HCN1: variants seen among roughly 807,000 people sequenced by gnomAD.
The protein encoded by HCN1 is potassium/sodium hyperpolarization-activated cyclic nucleotide-gated channel 1.
In HCN1, 13 loss-of-function variants were observed where a neutral mutation model predicts 78.9. The observed-to-expected ratio is 0.16, with a 90% CI of 0.11 to 0.26. HCN1 has a LOEUF of 0.26. Among genes scored for constraint, HCN1 ranks in the 10% least tolerant of loss-of-function variants. The pLI is 1.00. For missense variants in HCN1, 810 were observed against 1,154.3 expected (o/e 0.70, Z 4.32); for synonymous variants, 552 against 455.5 (o/e 1.21, Z -2.70).
intron 1 of HCN1, among the ~76,000 whole-genome samples, chr5:45,661,081 G>T (rs1310767455): frequency 6.9e-6 from 1 of 145,158 alleles, no homozygotes; most frequent in African/African-American, 2.6e-5. Context: ...AAATGTAAAA[G>T]AACAGAAATT....
At chr5:45,346,390 T>C (rs1746708869) in intron 5 of HCN1, among the ~76,000 whole-genome samples, 1 of 152,174 alleles carries the variant, frequency 6.6e-6, no homozygotes, top group Non-Finnish European at 1.5e-5. Context: ...GCAGCCAAGA[T>C]GGCTGAATAG....
intron 3 of HCN1, among the ~76,000 whole-genome samples, chr5:45,421,229 A>AT (rs753838182): frequency 2.6e-5 from 4 of 151,942 alleles, no homozygotes; most frequent in Non-Finnish European, 5.9e-5. Flanking sequence ...AGCCCGTCTA[A>AT]TTTTTTGTAT....
intron 2 of HCN1, chr5:45,575,866 T>A (rs1162946485): frequency 6.6e-6 from 1 of 152,116 alleles, no homozygotes; most frequent in Non-Finnish European, 1.5e-5. Context: ...CAAAGAGTAT[T>A]TTCAACTTTC....
At chr5:45,402,505 C>G (rs1168551893) in intron 3 of HCN1, among the ~76,000 whole-genome samples, 3 of 151,810 alleles carry the variant, frequency 2.0e-5, no homozygotes, top group Non-Finnish European at 2.9e-5. Context: ...ATTGGGAGGT[C>G]CAAAATATTA....
chr5:45,507,431 G>A (rs764258275), intron 2 of HCN1, among the ~76,000 whole-genome samples: 1 of 152,132 alleles, frequency 6.6e-6, no homozygotes, highest in Non-Finnish European at 1.5e-5. Context: ...TGCCATAGCA[G>A]CAGCTAAGAG....
intron 2 of HCN1, among the ~76,000 whole-genome samples, chr5:45,515,018 CTTAA>C (rs1190219652): frequency 6.6e-6 from 1 of 151,780 alleles, no homozygotes; most frequent in East Asian, 1.9e-4. Flanking sequence ...TTATTTATTT[CTTAA>C]TTATTATGAT....
chr5:45,488,226 AT>A (rs961081714), intron 2 of HCN1, among the ~76,000 whole-genome samples: 41 of 152,020 alleles, frequency 2.7e-4, no homozygotes, highest in African/African-American at 9.9e-4. Context: ...GCTTCTTTTA[AT>A]TTTTTACATA....
intron 1 of HCN1, among the ~76,000 whole-genome samples, chr5:45,682,458 T>C (rs997580666): frequency 4.6e-5 from 7 of 151,874 alleles, no homozygotes; most frequent in African/African-American, 1.7e-4. Flanking sequence ...TAAATTATTG[T>C]TTTTTATAGG....
At chr5:45,551,837 C>T (rs372297608) in intron 2 of HCN1, among the ~76,000 whole-genome samples, 5 of 151,800 alleles carry the variant, frequency 3.3e-5, no homozygotes, top group African/African-American at 7.3e-5. Context: ...TGTTCAATTA[C>T]GTATAAGGTA....
intron 2 of HCN1, among the ~76,000 whole-genome samples, chr5:45,510,818 T>G (rs1211010772): frequency 6.6e-6 from 1 of 152,038 alleles, no homozygotes; most frequent in East Asian, 1.9e-4. Context: ...TAATGATATC[T>G]GTTATATCCC....
At chr5:45,265,314 A>G (rs1050107344) in intron 7 of HCN1, among the ~76,000 whole-genome samples, 1 of 152,200 alleles carries the variant, frequency 6.6e-6, no homozygotes, top group African/African-American at 2.4e-5. Flanking sequence ...CTGGTTTAGG[A>G]AGAAACTCAT....
At position 45,305,912 on chromosome 5, in the gene HCN1, G is replaced by A. The variant is rs915415914; in HGVS notation, c.1378-2073C>T. On this transcript the variant is annotated intron_variant, in intron 5 of 7. Transcript: ENST00000303230. ...AAGGTGGAGTCTCAGTTGTAAAAAA[G>A]TACTCATAAAGACTAATTTTCTCGT... 2.6e-5 allele frequency among the ~76,000 whole-genome samples: 4 copies of A among 151,916 alleles called. No individual in the cohort carries two copies. In the South Asian group the frequency reaches 6.2e-4, roughly 24 times the overall value.
intron 3 of HCN1, among the ~76,000 whole-genome samples, chr5:45,424,559 A>G (rs1740299281): frequency 6.6e-6 from 1 of 152,180 alleles, no homozygotes; most frequent in Non-Finnish European, 1.5e-5. Context: ...ATCTGGGGAA[A>G]CAGTATTACT....
At chr5:45,501,000 A>C (rs891254990) in intron 2 of HCN1, among the ~76,000 whole-genome samples, 6 of 152,190 alleles carry the variant, frequency 3.9e-5, no homozygotes, top group Non-Finnish European at 8.8e-5. Context: ...CCTAGGAGTT[A>C]CTGTGACATA....
intron 5 of HCN1, among the ~76,000 whole-genome samples, chr5:45,306,708 G>A (rs1423690873): frequency 1.3e-5 from 2 of 151,980 alleles, no homozygotes; most frequent in Admixed American, 6.6e-5. Flanking sequence ...TTTCCTTAGG[G>A]CACATTGAGG....
At chr5:45,397,697 C>A (rs1739714170) in intron 3 of HCN1, among the ~76,000 whole-genome samples, 1 of 151,206 alleles carries the variant, frequency 6.6e-6, no homozygotes, top group South Asian at 2.1e-4. Flanking sequence ...ATTTATAAAA[C>A]CTAATGTGAT....
intron 6 of HCN1, among the ~76,000 whole-genome samples, chr5:45,298,226 A>C (rs1257613134): frequency 1.3e-5 from 2 of 152,036 alleles, no homozygotes; most frequent in Non-Finnish European, 2.9e-5. Context: ...TTGATGTATA[A>C]ATGATTTATA....
intron 4 of HCN1, among the ~76,000 whole-genome samples, chr5:45,363,420 G>C (rs1158230914): frequency 6.6e-6 from 1 of 151,710 alleles, no homozygotes; most frequent in Admixed American, 6.6e-5. Context: ...TGAGGGACTT[G>C]AGTCTCCAGA....
intron 5 of HCN1, among the ~76,000 whole-genome samples, chr5:45,336,700 A>AG (rs1201501698): frequency 2.0e-5 from 3 of 152,004 alleles, no homozygotes; most frequent in African/African-American, 7.2e-5. Flanking sequence ...ATAAAAAAAA[A>AG]TTATTTCTCA....
Sources: gnomAD v4.1 joint callset for allele counts (sites outside exome capture counted in the v4.1 genomes callset) on GRCh38, gnomAD v4.1.1 for gene constraint, MANE v1.5 for transcripts, NCBI Gene and HGNC (gene_info 2026-07-23, HGNC 2026-07-21) for gene names.